GRTP1: variants seen among roughly 807,000 people sequenced by gnomAD.
GRTP1 encodes the protein growth hormone regulated TBC protein 1, also known as growth hormone-regulated TBC protein 1.
A neutral mutation model predicts 38.1 loss-of-function variants in GRTP1; 56 were observed. That is an observed-to-expected ratio of 1.47 (90% CI 1.19 to 1.84). GRTP1 has a LOEUF of 1.84. Ranked by LOEUF, GRTP1 falls within the 40% of genes most tolerant of loss-of-function variation. The pLI, the probability that GRTP1 is intolerant of heterozygous loss-of-function variation, is 0.00. For synonymous variants in GRTP1, 217 were observed against 189.5 expected, an observed-to-expected ratio of 1.14 and a Z score of -1.19; for missense variants, 506 against 453.9, an observed-to-expected ratio of 1.11 and a Z score of -1.04.
At chr13:113,350,791 C>G in intron 4 of GRTP1, 58 bp downstream of exon 4, 1 of 1,458,476 alleles carries the variant, frequency 6.9e-7, no homozygotes, top group Non-Finnish European at 9.2e-7. Context: ...GAGCCTGCAG[C>G]TGTGGACAGA....
chr13:113,324,283 TAA>T lies in GRTP1; in HGVS notation c.*203_*204del. On this transcript the variant is annotated 3_prime_UTR_variant, in exon 8 of 8. Transcript: ENST00000375431. The stretch of plus-strand genomic sequence containing the variant: ...CTCTCAGGTAAAAATAAGTTTTCTT[TAA>T]AAAGTATGACTTCATAGCTAATCAT... 3.0e-6 allele frequency: 2 copies of T among 673,036 alleles called. No individual in the cohort carries two copies. Among genetic ancestry groups the T allele is most frequent in the Non-Finnish European group, 4.3e-6 (2 of 465,446 alleles). 41.7% of individuals were successfully genotyped at this position (673,036 alleles called of 1,614,324 possible).
intron 3 of GRTP1, among the ~76,000 whole-genome samples, chr13:113,352,360 T>TTC (rs1566438067): frequency 2.0e-5 from 1 of 50,642 alleles, no homozygotes; most frequent in African/African-American, 6.4e-5. Flanking sequence ...TATATATATT[T>TTC]TATATATATA....
intron 5 of GRTP1, among the ~76,000 whole-genome samples, chr13:113,333,928 A>C (rs1242132827): frequency 6.7e-6 from 1 of 149,190 alleles, no homozygotes; most frequent in East Asian, 2.0e-4. Flanking sequence ...TCCACCTTCC[A>C]GGTTCAAGCA....
chr13:113,333,845 G>A (rs1219453595), intron 5 of GRTP1, among the ~76,000 whole-genome samples: 10 of 99,842 alleles, frequency 1.0e-4, no homozygotes, highest in South Asian at 3.9e-4. Flanking sequence ...TTTAGTGTGT[G>A]TGTGTGTGTG....
chr13:113,359,388 T>C lies in GRTP1; in HGVS notation c.182-3907A>G, dbSNP rs554548097. Among the ~76,000 whole-genome samples, 6 of 152,322 alleles carry C rather than the reference T, an allele frequency of 3.9e-5. No individual in the cohort carries two copies. In the East Asian group the frequency reaches 1.2e-3, roughly 29 times the overall value. ...TTGATAGGCCAGGTGCAGTGGCTCA[T>C]GCCTGTAATCCCAGGAGACTCCATC... On this transcript the variant is annotated intron_variant, in intron 2 of 7. Coordinates refer to ENST00000375431, the MANE Select transcript of GRTP1 (RefSeq NM_024719.4).
chr13:113,333,826 A>ATTTAT (rs1398164079), intron 5 of GRTP1, among the ~76,000 whole-genome samples: 4 of 100,970 alleles, frequency 4.0e-5, no homozygotes, highest in Non-Finnish European at 7.5e-5. Context: ...TTATTTATTT[A>ATTTAT]TTTATTTATT....
At chr13:113,337,470 C>G (rs752330574) in intron 5 of GRTP1, among the ~76,000 whole-genome samples, 4 of 152,188 alleles carry the variant, frequency 2.6e-5, no homozygotes, top group Non-Finnish European at 4.4e-5. Context: ...CTAGGAGACC[C>G]TGAATGGAAA....
At chr13:113,331,061 G>C (rs1327688836) in intron 5 of GRTP1, among the ~76,000 whole-genome samples, 8 of 116,276 alleles carry the variant, frequency 6.9e-5, no homozygotes, top group East Asian at 2.9e-4. Flanking sequence ...CAGGTGCGTG[G>C]ATGGAAACCC....
Position 113,348,087 on chromosome 13 carries a change from G to C in GRTP1, c.465+2762C>G, listed in dbSNP as rs2043201404. The stretch of plus-strand genomic sequence containing the variant: ...GAGAATGGACCCCTTTGAGTGGACA[G>C]TGCTACTGGACCTGGGAGAGGGCGA... On this transcript the variant is annotated intron_variant, in intron 4 of 7. Transcript: ENST00000375431. The surrounding 1 kb of genome is among the most constrained non-coding windows in gnomAD (Gnocchi z 4.8). Among the ~76,000 whole-genome samples the C allele has an allele frequency of 6.6e-6, 1 of 152,170 alleles. No individual in the cohort carries two copies.
Position 113,363,821 on chromosome 13 carries a change from C to G in GRTP1, c.122G>C (p.Arg41Pro), listed in dbSNP as rs573222494. ...CAGCCGGGACCATTTGATCGCCCTG[C>G]GGGTGAGCGTGACCAGGTAGCTGGA... The part of the protein sequence containing the change: ...FFSSYLVTLT[R>P]RAIKWSRLLQ... Residue 41 changes from arginine (R) to proline (P), a missense_variant, in exon 2 of 8, where the codon CGC (arginine) becomes CCC (proline). Arg to Pro is a moderately radical substitution (Grantham distance 103). Coordinates refer to ENST00000375431, the MANE Select transcript of GRTP1 (RefSeq NM_024719.4). 37 of 1,611,800 alleles carry G rather than the reference C, an allele frequency of 2.3e-5. No homozygotes were observed. The African/African-American group carries it at 4.5e-4, about 20-fold the overall frequency.
intron 2 of GRTP1, chr13:113,360,326 G>C (rs1006348477): frequency 1.3e-5 from 2 of 152,196 alleles, no homozygotes; most frequent in Non-Finnish European, 2.9e-5. Flanking sequence ...TACCCACCAA[G>C]AGTGTGATCA....
Position 113,364,069 on chromosome 13 carries a change from C to T in GRTP1, c.-18G>A, listed in dbSNP as rs2043554395. 1 of 1,262,822 alleles carries T rather than the reference C, an allele frequency of 7.9e-7. No homozygotes were observed. The highest frequency in any genetic ancestry group is 3.5e-5 in the South Asian group (1 of 28,846). 78.2% of individuals were successfully genotyped at this position (1,262,822 alleles called of 1,614,324 possible). A position where few individuals can be genotyped will look rare whatever the true frequency, so the allele number is the denominator to read the frequency against. On this transcript the variant is annotated 5_prime_UTR_variant, in exon 1 of 8. Coordinates refer to ENST00000375431, the MANE Select transcript of GRTP1 (RefSeq NM_024719.4). ...GGCTGCATGCGGGGAGGGAGGCGCG[C>T]ACCGAGCGAGGCCAGCGGGTCCCAA...
intron 5 of GRTP1, among the ~76,000 whole-genome samples, chr13:113,336,104 T>C (rs973381659): frequency 3.3e-5 from 5 of 152,126 alleles, no homozygotes; most frequent in African/African-American, 9.7e-5. Flanking sequence ...GATCTCATTC[T>C]TTCTAAGGCT....
intron 4 of GRTP1, among the ~76,000 whole-genome samples, chr13:113,346,223 T>C (rs61966619): frequency 0.46 from 5,669 of 12,242 alleles, 597 homozygotes; most frequent in Middle Eastern, 0.5. Flanking sequence ...CCTCTGTGGC[T>C]GAGAACAGAC....
rs748222099 is a variant in GRTP1 at position 113,325,027 on chromosome 13, A to G, written c.922-450T>C. The stretch of plus-strand genomic sequence containing the variant: ...TATTTTTTAGTAGAGACGGGGTTTC[A>G]CCGTGTTGGCCAGGCTGGTCTTGAA... On this transcript the variant is annotated intron_variant, in intron 7 of 7. Transcript: ENST00000375431. 79 of 747,032 alleles carry G rather than the reference A, an allele frequency of 1.1e-4. No individual in the cohort carries two copies. In the Middle Eastern group the frequency reaches 2.7e-3, roughly 25 times the overall value. 46.3% of individuals were successfully genotyped at this position (747,032 alleles called of 1,614,324 possible).
At chr13:113,339,077 C>A (rs1484919539) in intron 5 of GRTP1, among the ~76,000 whole-genome samples, 3 of 152,062 alleles carry the variant, frequency 2.0e-5, no homozygotes, top group Admixed American at 6.6e-5. Flanking sequence ...CCATGCCCAG[C>A]TAATTTTTGT....
At chr13:113,352,360 T>TTA (rs143437113) in intron 3 of GRTP1, among the ~76,000 whole-genome samples, 23 of 50,638 alleles carry the variant, frequency 4.5e-4, no homozygotes, top group African/African-American at 1.3e-3. Context: ...TATATATATT[T>TTA]TATATATATA....
intron 2 of GRTP1, among the ~76,000 whole-genome samples, chr13:113,356,858 G>C: frequency 6.6e-6 from 1 of 152,204 alleles, no homozygotes; most frequent in East Asian, 1.9e-4. Context: ...GGCTCTGGAA[G>C]GACAGGCCCT....
rs138591853 is a variant in GRTP1 at position 113,335,978 on chromosome 13, G to A, written c.562+8885C>T. 2.8e-3 allele frequency among the ~76,000 whole-genome samples: 427 copies of A among 152,234 alleles called. 1 individual carries two copies. Among genetic ancestry groups the A allele is most frequent in the Non-Finnish European group, 4.7e-3 (317 of 68,012 alleles). On this transcript the variant is annotated intron_variant, in intron 5 of 7. Transcript: ENST00000375431. ...TGGCTACTTTTTGTATTTTAGTAGAGAAAGGGTTTCACCGTGTTGACCAGG... is the reference window on the plus strand; with the variant it reads ...TGGCTACTTTTTGTATTTTAGTAGAAAAAGGGTTTCACCGTGTTGACCAGG...
Sources: allele counts gnomAD v4.1 joint callset (sites outside exome capture counted in the v4.1 genomes callset), GRCh38; gene constraint gnomAD v4.1.1; non-coding constraint Gnocchi (gnomAD v3.1); transcripts MANE v1.5; gene names NCBI Gene and HGNC (gene_info 2026-07-23, HGNC 2026-07-21).